The following CPNE9 variants were observed in gnomAD, a reference collection of about 807,000 sequenced individuals.
The protein encoded by CPNE9 is copine family member 9.
Under a neutral mutation model 83.0 loss-of-function variants are expected in CPNE9, and 59 were observed. The observed-to-expected ratio is 0.71, with a 90% confidence interval of 0.58 to 0.88. CPNE9 has a LOEUF of 0.88. Among genes scored for constraint, CPNE9 ranks in the 40% least tolerant of loss-of-function variants. The pLI is 0.00. For synonymous variants in CPNE9, 256 were observed against 273.4 expected, an observed-to-expected ratio of 0.94 and a Z score of 0.63; for missense variants, 619 against 720.8, an observed-to-expected ratio of 0.86 and a Z score of 1.62.
At chr3:9,706,140 T>C (rs930370240) in intron 7 of CPNE9, 77 bp downstream of exon 7, 7 of 1,446,520 alleles carry the variant, frequency 4.8e-6, no homozygotes, top group East Asian at 4.6e-5. Flanking sequence ...CGCTGACTGA[T>C]AGAAGTGGAG....
At chr3:9,706,435 T>C (rs1160920482) in intron 7 of CPNE9, among the ~76,000 whole-genome samples, 5 of 151,668 alleles carry the variant, frequency 3.3e-5, no homozygotes, top group Admixed American at 2.0e-4. Flanking sequence ...AAATATGCAT[T>C]AGCATGTTTT....
At chr3:9,718,657 A>AC (rs775624715) in intron 17 of CPNE9, 55 bp downstream of exon 17, 50 of 1,585,704 alleles carry the variant, frequency 3.2e-5, no homozygotes, top group Non-Finnish European at 3.7e-5. Flanking sequence ...TAAGGGATTG[A>AC]CCCCCCAAGG....
At chr3:9,725,698 G>GTATATATGTATATACATGTA (rs1489780475) in intron 17 of CPNE9, among the ~76,000 whole-genome samples, 1 of 105,648 alleles carries the variant, frequency 9.5e-6, no homozygotes. Context: ...ACATATATGT[G>GTATATATGTATATACATGTA]TATATATGTG....
chr3:9,708,914 G>A (rs1424463410), intron 7 of CPNE9, among the ~76,000 whole-genome samples: 2 of 151,652 alleles, frequency 1.3e-5, no homozygotes, highest in Non-Finnish European at 2.9e-5. Flanking sequence ...GATTACAGGC[G>A]TGAGCCACCG....
At chr3:9,715,650 T>C (rs562216590) in intron 13 of CPNE9, 124 bp downstream of exon 13, 28 of 827,994 alleles carry the variant, frequency 3.4e-5, no homozygotes, top group Admixed American at 6.6e-5. Flanking sequence ...ATAGTAATAT[T>C]GGGCACAAGG....
chr3:9,727,082 C>T (rs770444439), intron 19 of CPNE9, 31 bp from the exon 20 acceptor site: 1 of 1,613,286 alleles, frequency 6.2e-7, no homozygotes, highest in South Asian at 1.1e-5. Context: ...CTGGAGAGGC[C>T]AATCAGCTGA....
At chr3:9,705,837 C>T in intron 6 of CPNE9, 117 bp downstream of exon 6, 1 of 1,358,194 alleles carries the variant, frequency 7.4e-7, no homozygotes, top group East Asian at 2.3e-5. Flanking sequence ...TCTTTCACAC[C>T]CCCTCCATTA....
chr3:9,719,853 G>A (rs570768517), intron 17 of CPNE9, among the ~76,000 whole-genome samples: 122 of 151,984 alleles, frequency 8.0e-4, no homozygotes, highest in African/African-American at 2.8e-3. Flanking sequence ...TTAGCCAGGC[G>A]TGGTGGTGGG....
chr3:9,704,497 C>G lies in CPNE9; in HGVS notation c.69-90C>G. The G allele has an allele frequency of 8.9e-7, 1 of 1,125,554 alleles. No individual in the cohort carries two copies. The highest frequency in any genetic ancestry group is 1.4e-6 in the Non-Finnish European group (1 of 734,466). The allele number at this position is 1,125,554 out of a possible 1,614,324, so 69.7% of individuals were successfully genotyped here. Reference sequence around the variant, plus strand: ...GGGGACAGAGGTTCGATGCGGGCCCCATGCCTCTCCTCAGTGCCCGGCTCA... The same window carrying G: ...GGGGACAGAGGTTCGATGCGGGCCCGATGCCTCTCCTCAGTGCCCGGCTCA... On this transcript the variant is annotated intron_variant, in intron 1 of 20. Transcript: ENST00000383832. The surrounding 1 kb of genome is among the most constrained non-coding windows in gnomAD (Gnocchi z 7.1).
chr3:9,704,773 G>A lies in CPNE9; in HGVS notation c.134G>A (p.Arg45Gln), dbSNP rs200930835. The A allele has an allele frequency of 1.5e-3, 2,493 of 1,611,366 alleles. 3 individuals carry two copies. Among genetic ancestry groups the A allele is most frequent in the Middle Eastern group, 3.2e-3 (18 of 5,578 alleles). Residue 45 changes from arginine to glutamine, a missense_variant, in exon 3 of 21, where the codon CGG (arginine) becomes CAG (glutamine). Physicochemically the swap from Arg to Gln is conservative, Grantham distance 43. This residue lies in a region of CPNE9 where 130 missense variants were observed against 117.5 expected (regional missense o/e 1.11). Transcript: ENST00000383832. This position sits in a 1 kb window ranked among gnomAD's most constrained non-coding sequence, Gnocchi z 7.1. Reference sequence around the variant, plus strand: ...GTGGTGGTGCTTTACACGCAGAGCCGGGCCAGCCAGGAGTGGCGGGAGGTG... The same window carrying A: ...GTGGTGGTGCTTTACACGCAGAGCCAGGCCAGCCAGGAGTGGCGGGAGGTG... ...DPMVVLYTQS[R>Q]ASQEWREFGR...
chr3:9,711,558 A>T (rs1010027536), intron 7 of CPNE9, among the ~76,000 whole-genome samples: 1 of 152,146 alleles, frequency 6.6e-6, no homozygotes, highest in African/African-American at 2.4e-5. Flanking sequence ...CCCTCTTTGC[A>T]AAGCACAAAG....
intron 4 of CPNE9, 83 bp downstream of exon 4, chr3:9,705,077 G>A: frequency 1.0e-6 from 1 of 990,150 alleles, no homozygotes; most frequent in Non-Finnish European, 1.5e-6. Context: ...CCCCCGCCTC[G>A]CCTCCGGCCT....
intron 14 of CPNE9, 114 bp downstream of exon 14, chr3:9,716,149 A>G: frequency 1.2e-6 from 1 of 862,832 alleles, no homozygotes; most frequent in Non-Finnish European, 1.8e-6. Flanking sequence ...ATGGAGATAA[A>G]CTTTAAAACA....
chr3:9,709,518 G>A (rs980116435), intron 7 of CPNE9, among the ~76,000 whole-genome samples: 4 of 151,108 alleles, frequency 2.6e-5, no homozygotes, highest in Non-Finnish European at 5.9e-5. Context: ...ACAGGCGCCT[G>A]CCACCGCGCC....
At chr3:9,722,160 A>AGC (rs959648365) in intron 17 of CPNE9, among the ~76,000 whole-genome samples, 3 of 132,036 alleles carry the variant, frequency 2.3e-5, no homozygotes, top group African/African-American at 8.5e-5. Context: ...CAGGTGATCC[A>AGC]CCCCCCCCCG....
At position 9,715,048 on chromosome 3, in the gene CPNE9, T is replaced by C. The variant is rs113782477; in HGVS notation, c.692+93T>C. 603 of 1,238,250 alleles carry C rather than the reference T, an allele frequency of 4.9e-4. 7 individuals are homozygous for C. In the Middle Eastern group the frequency reaches 0.011, roughly 23 times the overall value. The allele number at this position is 1,238,250 out of a possible 1,614,324, so 76.7% of individuals were successfully genotyped here. On this transcript the variant is annotated intron_variant, in intron 11 of 20. Transcript: ENST00000383832. The stretch of plus-strand genomic sequence containing the variant: ...ATTCACTGAGAACCCCAAAGTAGCT[T>C]TAGGAGCCAGGAAAGGTGATGATAA...
intron 17 of CPNE9, among the ~76,000 whole-genome samples, chr3:9,724,734 A>ATCTG (rs1485749651): frequency 8.7e-5 from 13 of 149,412 alleles, no homozygotes; most frequent in Non-Finnish European, 8.9e-5. Flanking sequence ...CTATCTATCT[A>ATCTG]TCTATCTATC....
intron 13 of CPNE9, among the ~76,000 whole-genome samples, chr3:9,715,761 C>G (rs541170960): frequency 8.5e-5 from 13 of 152,326 alleles, no homozygotes; most frequent in African/African-American, 3.1e-4. Context: ...TTGTATTTCC[C>G]AATTTAATAT....
intron 17 of CPNE9, among the ~76,000 whole-genome samples, chr3:9,721,699 G>C (rs1401194097): frequency 2.0e-5 from 3 of 152,172 alleles, no homozygotes; most frequent in Non-Finnish European, 4.4e-5. Flanking sequence ...GCAAGTTCAT[G>C]AAACAGTGAA....
Sources: allele counts gnomAD v4.1 joint callset (sites outside exome capture counted in the v4.1 genomes callset), GRCh38; gene constraint gnomAD v4.1.1; regional missense constraint gnomAD v4.1.1; non-coding constraint Gnocchi (gnomAD v3.1); transcripts MANE v1.5; gene names NCBI Gene and HGNC (gene_info 2026-07-23, HGNC 2026-07-21).